SERPINB4: variants seen among roughly 807,000 people sequenced by gnomAD.
SERPINB4 encodes the protein serpin B4.
Under a neutral mutation model 33.2 loss-of-function variants are expected in SERPINB4, and 39 were observed. The observed-to-expected ratio is 1.18, with a 90% CI of 0.91 to 1.53. The LOEUF (loss-of-function observed/expected upper bound fraction) is 1.53. Ranked by LOEUF, SERPINB4 falls within the 40% of genes most tolerant of loss-of-function variation. The pLI is 0.00. For missense variants in SERPINB4, 564 were observed against 455.4 expected, an observed-to-expected ratio of 1.24 and a Z score of -2.17; for synonymous variants, 191 against 166.4, an observed-to-expected ratio of 1.15 and a Z score of -1.14.
Position 63,643,605 on chromosome 18 carries a change from T to C in SERPINB4, c.-26-2A>G. 6.2e-7 allele frequency: 1 copy of C among 1,606,566 alleles called. No homozygotes were observed. ...TGAACTCGATGTGATCTGGAACTCCTGGAAAAGCATCAGATTCCTGTCAGA... is the reference window on the plus strand; with the variant it reads ...TGAACTCGATGTGATCTGGAACTCCCGGAAAAGCATCAGATTCCTGTCAGA... On this transcript the variant is annotated splice_acceptor_variant, in intron 1 of 7. Coordinates refer to ENST00000341074, the MANE Select transcript of SERPINB4 (RefSeq NM_002974.4). LOFTEE classifies it low-confidence loss of function (5UTR_SPLICE).
At chr18:63,638,443 A>T (rs1451670525) in intron 7 of SERPINB4, among the ~76,000 whole-genome samples, 1 of 152,052 alleles carries the variant, frequency 6.6e-6, no homozygotes, top group Non-Finnish European at 1.5e-5. Flanking sequence ...TACACAATGA[A>T]CTGTATGTAT....
At chr18:63,643,727 T>G in intron 1 of SERPINB4, 124 bp from the exon 2 acceptor site, 1 of 1,039,156 alleles carries the variant, frequency 9.6e-7, no homozygotes, top group Non-Finnish European at 1.4e-6. Context: ...GTTTTTCTCT[T>G]ATTTTTAACG....
In SERPINB4 at chr18:63,641,078, G is replaced by A. The variant is rs1329933306; in HGVS notation, c.352-87C>T. 3.6e-6 allele frequency: 4 copies of A among 1,095,964 alleles called. No homozygotes were observed. The East Asian group carries it at 9.5e-5, about 26-fold the overall frequency. 67.9% of individuals were successfully genotyped at this position (1,095,964 alleles called of 1,614,324 possible). ...ACTTACTTATTTGTAACAACAGTAAGCTGAATCCAGACCCTGAATAGATGC... is the reference window on the plus strand; with the variant it reads ...ACTTACTTATTTGTAACAACAGTAAACTGAATCCAGACCCTGAATAGATGC... On this transcript the variant is annotated intron_variant, in intron 4 of 7. Transcript: ENST00000341074.
intron 2 of SERPINB4, 53 bp from the exon 3 acceptor site, chr18:63,643,270 A>C: frequency 6.2e-7 from 1 of 1,612,754 alleles, no homozygotes. Flanking sequence ...GATCTGTTTA[A>C]GTCAGTGGTC....
Position 63,637,675 on chromosome 18 carries a change from C to T in SERPINB4, c.*44G>A. The T allele has an allele frequency of 6.4e-7, 1 of 1,550,922 alleles. No individual in the cohort carries two copies. Among genetic ancestry groups the T allele is most frequent in the East Asian group, 2.3e-5 (1 of 44,418 alleles). On this transcript the variant is annotated 3_prime_UTR_variant, in exon 8 of 8. Transcript: ENST00000341074. Reference sequence around the variant, plus strand: ...GCCAGCAATCAGTTTACCAGAACACCTCTAGGTGAACATTTTCTAAATGGA... The same window carrying T: ...GCCAGCAATCAGTTTACCAGAACACTTCTAGGTGAACATTTTCTAAATGGA...
At chr18:63,643,086 T>G in intron 3 of SERPINB4, 75 bp downstream of exon 3, 1 of 1,594,658 alleles carries the variant, frequency 6.3e-7, no homozygotes, top group South Asian at 1.1e-5. Context: ...CTTTTCTTAG[T>G]TTTTGTGAAG....
At chr18:63,639,407 A>C (rs758230188) in intron 6 of SERPINB4, 67 bp from the exon 7 acceptor site, 2 of 1,428,252 alleles carry the variant, frequency 1.4e-6, no homozygotes, top group Non-Finnish European at 1.9e-6. Flanking sequence ...AATATTATTG[A>C]GATAGCAACA....
At chr18:63,643,652 G>A (rs972202823) in intron 1 of SERPINB4, 49 bp from the exon 2 acceptor site, 2 of 1,525,926 alleles carry the variant, frequency 1.3e-6, no homozygotes, top group East Asian at 2.3e-5. Context: ...AAATGGAATG[G>A]TATTTTGTAG....
At chr18:63,641,951 T>G (rs1913148343) in intron 3 of SERPINB4, 63 bp from the exon 4 acceptor site, 1 of 1,602,760 alleles carries the variant, frequency 6.2e-7, no homozygotes, top group Non-Finnish European at 8.5e-7. Context: ...AAACCCATGC[T>G]AAGTCTGTTA....
intron 5 of SERPINB4, 39 bp from the exon 6 acceptor site, chr18:63,639,815 A>G: frequency 1.3e-6 from 2 of 1,565,138 alleles, no homozygotes; most frequent in Non-Finnish European, 1.7e-6. Flanking sequence ...TACACAAGCT[A>G]CAAATGGCTT....
Position 63,637,782 on chromosome 18 carries a change from T to C in SERPINB4, c.1110A>G (p.Leu370=), listed in dbSNP as rs745757822. 2 of 1,613,364 alleles carry C rather than the reference T, an allele frequency of 1.2e-6. No homozygotes were observed. The highest frequency in any genetic ancestry group is 1.7e-6 in the Non-Finnish European group (2 of 1,179,618). ...TGGTCTTATTTTGCCTTATGAAGAATAGGAAAGGGTGATTACAACAGAACT... is the reference window on the plus strand; with the variant it reads ...TGGTCTTATTTTGCCTTATGAAGAACAGGAAAGGGTGATTACAACAGAACT... The part of the protein sequence containing the change: ...NEEFCCNHPF[L]FFIRQNKTNS... The change falls in exon 8 of 8, where the codon CTA becomes CTG. Residue 370 remains leucine (L), a synonymous_variant. Coordinates refer to ENST00000341074, the MANE Select transcript of SERPINB4 (RefSeq NM_002974.4).
chr18:63,638,830 A>T (rs1348762885), intron 7 of SERPINB4, among the ~76,000 whole-genome samples: 5 of 104,316 alleles, frequency 4.8e-5, no homozygotes, highest in African/African-American at 1.9e-4. Flanking sequence ...GGGAGGGGGG[A>T]GGGATAGCAT....
Position 63,637,664 on chromosome 18 carries a change from T to C in SERPINB4, c.*55A>G, listed in dbSNP as rs1477584471. 2.0e-6 allele frequency: 3 copies of C among 1,512,306 alleles called. No individual in the cohort carries two copies. Among genetic ancestry groups the C allele is most frequent in the Non-Finnish European group, 2.7e-6 (3 of 1,126,888 alleles). The allele number at this position is 1,512,306 out of a possible 1,614,324, so 93.7% of individuals were successfully genotyped here. A position where few individuals can be genotyped will look rare whatever the true frequency, so the allele number is the denominator to read the frequency against. ...AATCTGTTGTTGCCAGCAATCAGTT[T>C]ACCAGAACACCTCTAGGTGAACATT... On this transcript the variant is annotated 3_prime_UTR_variant, in exon 8 of 8. Coordinates refer to ENST00000341074, the MANE Select transcript of SERPINB4 (RefSeq NM_002974.4).
chr18:63,639,557 A>T (rs1295896378), intron 6 of SERPINB4, 77 bp downstream of exon 6: 1 of 1,112,412 alleles, frequency 9.0e-7, no homozygotes, highest in Non-Finnish European at 1.3e-6. Flanking sequence ...TTTACTTATC[A>T]TGTTACATTC....
At position 63,637,881 on chromosome 18, in the gene SERPINB4, A is replaced by G; in HGVS notation, c.1011T>C (p.Thr337=). The part of the protein sequence containing the change: ...KVLHKAFVEV[T]EEGVEAAAAT... ...CAGCTGCAGCTTCCACTCCCTCCTC[A>G]GTGACCTCCACAAAGGCCTTGTGTA... The change falls in exon 8 of 8, where the codon ACT becomes ACC. Residue 337 remains threonine, a synonymous_variant. Coordinates refer to ENST00000341074, the MANE Select transcript of SERPINB4 (RefSeq NM_002974.4). The G allele has an allele frequency of 6.2e-7, 1 of 1,613,538 alleles. No homozygotes were observed. Among genetic ancestry groups the G allele is most frequent in the Non-Finnish European group, 8.5e-7 (1 of 1,179,716 alleles).
At chr18:63,638,181 A>G in intron 7 of SERPINB4, 58 bp from the exon 8 acceptor site, 1 of 1,544,248 alleles carries the variant, frequency 6.5e-7, no homozygotes, top group South Asian at 1.3e-5. Context: ...AATACACCTT[A>G]ACAATGAATT....
rs539257857 is a variant in SERPINB4 at position 63,637,967 on chromosome 18, T to G, written c.925A>C (p.Asn309His). 5.0e-6 allele frequency: 8 copies of G among 1,613,618 alleles called. No homozygotes were observed. In the South Asian group the frequency reaches 8.8e-5, roughly 18 times the overall value. ...LRTMGMVNIF[N>H]GDADLSGMTW... ...ATGCCTGAGAGGTCTGCATCCCCATTGAAGATATTCACCATTCCCATGGTT... is the reference window on the plus strand; with the variant it reads ...ATGCCTGAGAGGTCTGCATCCCCATGGAAGATATTCACCATTCCCATGGTT... The change falls in exon 8 of 8, where the codon AAT becomes CAT. Residue 309 changes from asparagine to histidine, a missense_variant. By Grantham distance (68) the Asn-to-His change is moderately conservative. Transcript: ENST00000341074.
At position 63,637,523 on chromosome 18, in the gene SERPINB4, C is replaced by T; in HGVS notation, c.*196G>A. On this transcript the variant is annotated 3_prime_UTR_variant, in exon 8 of 8. Transcript: ENST00000341074. ...GGAAATTTTTCTGGAAGGAAAAGTA[C>T]ATTTATATGTGGGCTTATTAAGAGA... 1.9e-6 allele frequency: 1 copy of T among 527,956 alleles called. No homozygotes were observed. The highest frequency in any genetic ancestry group is 3.1e-6 in the Non-Finnish European group (1 of 319,470). 32.7% of individuals were successfully genotyped at this position (527,956 alleles called of 1,614,324 possible).
At chr18:63,641,613 A>T in intron 4 of SERPINB4, 147 bp downstream of exon 4, 1 of 1,154,508 alleles carries the variant, frequency 8.7e-7, no homozygotes, top group East Asian at 2.4e-5. Flanking sequence ...AGTGGGGGAG[A>T]GTTGTGGAAA....
Sources: allele counts gnomAD v4.1 joint callset (sites outside exome capture counted in the v4.1 genomes callset), GRCh38; gene constraint gnomAD v4.1.1; transcripts MANE v1.5; gene names NCBI Gene and HGNC (gene_info 2026-07-23, HGNC 2026-07-21).